Variants in CTTN observed in about 807,000 individuals in gnomAD.
The protein encoded by CTTN is cortactin.
A neutral mutation model predicts 84.0 loss-of-function variants in CTTN; 28 were observed. That is an observed-to-expected ratio of 0.33 (90% CI 0.25 to 0.46). The LOEUF (loss-of-function observed/expected upper bound fraction) is 0.46. Among genes scored for constraint, CTTN ranks in the 20% least tolerant of loss-of-function variants. CTTN has a pLI of 1.00. For synonymous variants in CTTN, 301 were observed against 288.8 expected (o/e 1.04, Z -0.43); for missense variants, 641 against 723.8 (o/e 0.89, Z 1.31).
chr11:70,421,766 C>A (rs1565495429), intron 11 of CTTN, 186 bp downstream of exon 11: 7 of 592,366 alleles, frequency 1.2e-5, no homozygotes, highest in Non-Finnish European at 2.1e-5. Flanking sequence ...GAGTGGTTCA[C>A]TTTCTTCCCT....
chr11:70,420,434 G>C lies in CTTN; in HGVS notation c.714G>C (p.Val238=), dbSNP rs1307315537. Residue 238 remains valine (V), a synonymous_variant, in exon 10 of 18, where the codon GTG becomes GTC. Coordinates refer to ENST00000301843, the MANE Select transcript of CTTN (RefSeq NM_005231.4). ...YVKGFGGKFG[V]QTDRQDKCAL... is the part of the protein sequence containing the mutation. The stretch of plus-strand genomic sequence containing the variant: ...AAGGGTTTGGAGGAAAATTTGGTGT[G>C]CAGACAGACAGACAAGACAAATGTG... 6.2e-7 allele frequency: 1 copy of C among 1,614,172 alleles called. No individual in the cohort carries two copies. Among genetic ancestry groups the C allele is most frequent in the Admixed American group, 1.7e-5 (1 of 60,030 alleles).
chr11:70,435,120 G>A lies in CTTN; in HGVS notation c.1611G>A (p.Arg537=), dbSNP rs1196962037. The change falls in exon 18 of 18, where the codon CGG becomes CGA. Residue 537 remains arginine (R), a synonymous_variant. Coordinates refer to ENST00000301843, the MANE Select transcript of CTTN (RefSeq NM_005231.4). ...GGTGGCGCGGGGTGTGCAAGGGCCG[G>A]TACGGGCTCTTCCCAGCCAACTATG... ...DGWWRGVCKG[R]YGLFPANYVE... The A allele has an allele frequency of 6.2e-7, 1 of 1,613,582 alleles. No individual in the cohort carries two copies. The highest frequency in any genetic ancestry group is 2.2e-5 in the East Asian group (1 of 44,864).
At chr11:70,408,082 G>C (rs542039660) in intron 4 of CTTN, 1 of 153,090 alleles carries the variant, frequency 6.5e-6, no homozygotes, top group African/African-American at 2.4e-5. Flanking sequence ...AGTGAACCCT[G>C]TCATTGTTTC....
intron 8 of CTTN, among the ~76,000 whole-genome samples, chr11:70,417,862 A>T (rs532859994): frequency 6.6e-6 from 1 of 152,340 alleles, no homozygotes. Flanking sequence ...CAAAAGAATC[A>T]ACTCCTAGAC....
chr11:70,411,689 C>T (rs528180838), intron 5 of CTTN, among the ~76,000 whole-genome samples: 1 of 152,212 alleles, frequency 6.6e-6, no homozygotes, highest in South Asian at 2.1e-4. Flanking sequence ...GCTCGGCCTG[C>T]ACCTTTTTTC....
chr11:70,419,706 G>A lies in CTTN; in HGVS notation c.569-40G>A, dbSNP rs141806728. The A allele has an allele frequency of 3.1e-5, 47 of 1,529,208 alleles. No individual in the cohort carries two copies. In the East Asian group the frequency reaches 5.2e-4, roughly 17 times the overall value. 94.7% of individuals were successfully genotyped at this position (1,529,208 alleles called of 1,614,324 possible). ...AAATACTTGCATGTTCACTGATTTC[G>A]TTGCTCCTTTTAAAGTAGTCCTTTT... On this transcript the variant is annotated intron_variant, in intron 8 of 17. Transcript: ENST00000301843.
chr11:70,431,626 C>T (rs1035726975), intron 15 of CTTN, among the ~76,000 whole-genome samples: 1 of 152,118 alleles, frequency 6.6e-6, no homozygotes, highest in Non-Finnish European at 1.5e-5. Context: ...TGCAGGACGC[C>T]GCCTCACTCC....
chr11:70,422,849 G>A (rs956566040), intron 11 of CTTN, 91 bp from the exon 12 acceptor site: 1 of 1,596,234 alleles, frequency 6.3e-7, no homozygotes, highest in African/African-American at 1.3e-5. Flanking sequence ...GCACCTTCTT[G>A]GGCTGTTTCT....
chr11:70,401,272 C>G (rs1306341903), intron 1 of CTTN, among the ~76,000 whole-genome samples: 1 of 151,602 alleles, frequency 6.6e-6, no homozygotes, highest in South Asian at 2.1e-4. Flanking sequence ...AGATTGACAC[C>G]ATCCTGGCTA....
intron 5 of CTTN, among the ~76,000 whole-genome samples, chr11:70,411,137 G>C (rs1424073674): frequency 6.6e-6 from 1 of 152,252 alleles, no homozygotes; most frequent in African/African-American, 2.4e-5. Context: ...GCTTTTAGGA[G>C]TGTAAACAGG....
At chr11:70,418,188 T>G (rs2058185596) in intron 8 of CTTN, among the ~76,000 whole-genome samples, 1 of 152,160 alleles carries the variant, frequency 6.6e-6, no homozygotes, top group Non-Finnish European at 1.5e-5. Context: ...TGGCTTGGCA[T>G]TTCCCTGAGG....
chr11:70,420,706 C>T (rs923016849), intron 10 of CTTN, among the ~76,000 whole-genome samples, 196 bp downstream of exon 10: 5 of 152,208 alleles, frequency 3.3e-5, no homozygotes, highest in African/African-American at 9.6e-5. Context: ...CCTGCTGACA[C>T]GGGGTGGTAC....
intron 8 of CTTN, among the ~76,000 whole-genome samples, chr11:70,418,883 TCTC>T (rs2058196019): frequency 1.3e-5 from 2 of 151,440 alleles, no homozygotes; most frequent in South Asian, 2.1e-4. Context: ...TTCAAACAAT[TCTC>T]CTGCCTCAGT....
intron 15 of CTTN, 100 bp downstream of exon 15, chr11:70,431,380 C>A: frequency 3.1e-6 from 4 of 1,275,838 alleles, no homozygotes; most frequent in Non-Finnish European, 4.5e-6. Flanking sequence ...GGCAGTGTGG[C>A]GTGGGTGTAG....
intron 11 of CTTN, chr11:70,421,901 G>A: frequency 3.1e-6 from 1 of 326,948 alleles, no homozygotes; most frequent in African/African-American, 2.1e-5. Context: ...TTCTGCCCGA[G>A]GCTGTTCTGC....
chr11:70,435,432 TTTC>T lies in CTTN; in HGVS notation c.*273_*275del, dbSNP rs1184944137. 15 of 1,508,426 alleles carry T rather than the reference TTTC, an allele frequency of 9.9e-6. No individual in the cohort carries two copies. The East Asian group carries it at 2.0e-4, about 20-fold the overall frequency. 93.4% of individuals were successfully genotyped at this position (1,508,426 alleles called of 1,614,324 possible). On this transcript the variant is annotated 3_prime_UTR_variant, in exon 18 of 18. Transcript: ENST00000301843. ...GGTTTTATGCATTGATGGTTTTTTT[TTTC>T]TTTTTTGCCAAATTGACTGTCACGC...
chr11:70,403,356 T>C (rs1254582308), intron 1 of CTTN, among the ~76,000 whole-genome samples: 1 of 151,812 alleles, frequency 6.6e-6, no homozygotes, highest in Non-Finnish European at 1.5e-5. Context: ...GCCCTGTTAA[T>C]TTTTGTATTT....
In CTTN at chr11:70,435,380, A is replaced by G. The variant is rs2058405957; in HGVS notation, c.*218A>G. 3.4e-6 allele frequency: 5 copies of G among 1,487,688 alleles called. No individual in the cohort carries two copies. The East Asian group carries it at 1.2e-4, about 37-fold the overall frequency. 92.2% of individuals were successfully genotyped at this position (1,487,688 alleles called of 1,614,324 possible). ...CAGAATTTGCTAATATATTGTAATC[A>G]CATTCCTTAGGAGGACTTTGGTAAT... On this transcript the variant is annotated 3_prime_UTR_variant, in exon 18 of 18. Coordinates refer to ENST00000301843, the MANE Select transcript of CTTN (RefSeq NM_005231.4).
chr11:70,431,099 T>C lies in CTTN; in HGVS notation c.1177-92T>C, dbSNP rs879061857. The C allele has an allele frequency of 6.2e-5, 81 of 1,313,682 alleles. No individual in the cohort carries two copies. In the South Asian group the frequency reaches 9.1e-4, roughly 15 times the overall value. 81.4% of individuals were successfully genotyped at this position (1,313,682 alleles called of 1,614,324 possible). A position where few individuals can be genotyped will look rare whatever the true frequency, so the allele number is the denominator to read the frequency against. ...TCCACTCCTTTCCCCAGAGCATGCC[T>C]AGAGCTTGCACACGATCTTCTGAAA... On this transcript the variant is annotated intron_variant, in intron 14 of 17. Transcript: ENST00000301843.
Sources: gnomAD v4.1 joint callset for allele counts (sites outside exome capture counted in the v4.1 genomes callset) on GRCh38, gnomAD v4.1.1 for gene constraint, MANE v1.5 for transcripts, NCBI Gene and HGNC (gene_info 2026-07-23, HGNC 2026-07-21) for gene names.